The following CERCAM variants were observed in gnomAD, a reference collection of about 807,000 sequenced individuals.
The protein encoded by CERCAM is inactive glycosyltransferase 25 family member 3.
A neutral mutation model predicts 66.0 loss-of-function variants in CERCAM; 59 were observed. That is an observed-to-expected ratio of 0.89 (90% CI 0.73 to 1.11). CERCAM has a LOEUF of 1.11. Among genes scored for constraint, CERCAM ranks in the 50% most tolerant of loss-of-function variants. CERCAM has a pLI of 0.00. For synonymous variants in CERCAM, 318 were observed against 343.6 expected (o/e 0.93, Z 0.83); for missense variants, 840 against 828.3 (o/e 1.01, Z -0.17).
At chr9:128,425,524 T>C (rs1335399548) in intron 5 of CERCAM, among the ~76,000 whole-genome samples, 1 of 151,642 alleles carries the variant, frequency 6.6e-6, no homozygotes, top group African/African-American at 2.4e-5. Context: ...CCTTTTTTTT[T>C]TTTTGAGATG....
At chr9:128,425,814 C>T (rs1833832201) in intron 5 of CERCAM, among the ~76,000 whole-genome samples, 1 of 140,592 alleles carries the variant, frequency 7.1e-6, no homozygotes, top group Admixed American at 7.1e-5. Flanking sequence ...CCCAGCCCAG[C>T]CTTTTTTTTT....
At chr9:128,432,380 C>CTTTTT (rs1269523487) in intron 9 of CERCAM, among the ~76,000 whole-genome samples, 1 of 118,278 alleles carries the variant, frequency 8.5e-6, no homozygotes, top group Non-Finnish European at 1.8e-5. Context: ...TGGTTCACTA[C>CTTTTT]TTTTTTTTTT....
chr9:128,424,577 C>T lies in CERCAM; in HGVS notation c.729C>T (p.Asp243=), dbSNP rs34878035. ...PPHPNYTWPF[D]DIIVFAYACQ... ...ATCCCAACTACACTTGGCCTTTCGA[C>T]GACATCATCGTCTTCGCCTATGCCT... Residue 243 remains aspartate, a synonymous_variant, in exon 5 of 13, where the codon GAC becomes GAT. Transcript: ENST00000372838. The T allele has an allele frequency of 9.7e-3, 15,724 of 1,614,076 alleles. 1,227 individuals are homozygous for T. In the African/African-American group the frequency reaches 0.18, roughly 18 times the overall value.
chr9:128,431,246 C>T lies in CERCAM; in HGVS notation c.1146C>T (p.Arg382=), dbSNP rs769370238. 11 of 1,614,088 alleles carry T rather than the reference C, an allele frequency of 6.8e-6. No individual in the cohort carries two copies. In the South Asian group the frequency reaches 1.2e-4, roughly 18 times the overall value. The change falls in exon 9 of 13, where the codon CGC becomes CGT. Residue 382 remains arginine, a synonymous_variant. Coordinates refer to ENST00000372838, the MANE Select transcript of CERCAM (RefSeq NM_016174.5). ...LPGYQDPYSG[R]TLTKGEVGCF... The stretch of plus-strand genomic sequence containing the variant: ...GCTACCAGGACCCTTACTCGGGCCG[C>T]ACTCTGACCAAGGGCGAGGTGGGCT...
Position 128,424,583 on chromosome 9 carries a change from C to A in CERCAM, c.735C>A (p.Ile245=), listed in dbSNP as rs1833795257. The A allele has an allele frequency of 6.2e-7, 1 of 1,614,066 alleles. No homozygotes were observed. Among genetic ancestry groups the A allele is most frequent in the Admixed American group, 1.7e-5 (1 of 59,990 alleles). Residue 245 remains isoleucine, a synonymous_variant, in exon 5 of 13, where the codon ATC becomes ATA. Transcript: ENST00000372838. Reference sequence around the variant, plus strand: ...ACTACACTTGGCCTTTCGACGACATCATCGTCTTCGCCTATGCCTGCCAGG... The same window carrying A: ...ACTACACTTGGCCTTTCGACGACATAATCGTCTTCGCCTATGCCTGCCAGG... The part of the protein sequence containing the change: ...HPNYTWPFDD[I]IVFAYACQAA...
At chr9:128,426,977 C>A (rs908841998) in intron 5 of CERCAM, among the ~76,000 whole-genome samples, 5 of 152,196 alleles carry the variant, frequency 3.3e-5, no homozygotes, top group African/African-American at 1.2e-4. Flanking sequence ...AATTTGCTAG[C>A]CCTACTTCAA....
At chr9:128,426,568 C>T (rs1833852194) in intron 5 of CERCAM, among the ~76,000 whole-genome samples, 3 of 151,434 alleles carry the variant, frequency 2.0e-5, no homozygotes, top group Admixed American at 1.3e-4. Flanking sequence ...TGCAGTGAGC[C>T]GAGATCGCGC....
At chr9:128,431,493 C>G in intron 9 of CERCAM, 190 bp downstream of exon 9, 1 of 649,052 alleles carries the variant, frequency 1.5e-6, no homozygotes. Flanking sequence ...TCTGCAGTCT[C>G]TCTTGAGCAT....
At chr9:128,425,346 C>T (rs149030274) in intron 5 of CERCAM, among the ~76,000 whole-genome samples, 4,215 of 151,248 alleles carry the variant, frequency 0.028, 202 homozygotes, top group African/African-American at 0.095. Flanking sequence ...TGAGCCACCG[C>T]GCCCAGCCAA....
chr9:128,423,973 G>C, intron 3 of CERCAM, 165 bp from the exon 4 acceptor site: 2 of 742,700 alleles, frequency 2.7e-6, no homozygotes, highest in Non-Finnish European at 2.2e-6. Context: ...CCCCAGACTA[G>C]AGCCTTGGTC....
At chr9:128,435,569 G>T in intron 11 of CERCAM, 84 bp from the exon 12 acceptor site, 1 of 1,476,382 alleles carries the variant, frequency 6.8e-7, no homozygotes, top group South Asian at 1.3e-5. Flanking sequence ...CTTTGGGCAG[G>T]CAAGGTGCCT....
Position 128,423,351 on chromosome 9 carries a change from T to C in CERCAM, c.426+88T>C, listed in dbSNP as rs900749833. Reference sequence around the variant, plus strand: ...CTGGGTATAGGCTGGGTGCAGTGGCTCACGCCTATAATCCTAGCACTTTGG... The same window carrying C: ...CTGGGTATAGGCTGGGTGCAGTGGCCCACGCCTATAATCCTAGCACTTTGG... On this transcript the variant is annotated intron_variant, in intron 3 of 12. Transcript: ENST00000372838. The C allele has an allele frequency of 3.4e-5, 37 of 1,092,004 alleles. No individual in the cohort carries two copies. In the Admixed American group the frequency reaches 6.2e-4, roughly 18 times the overall value. The allele number at this position is 1,092,004 out of a possible 1,614,324, so 67.6% of individuals were successfully genotyped here.
At chr9:128,422,775 G>T in intron 1 of CERCAM, 93 bp from the exon 2 acceptor site, 1 of 1,406,782 alleles carries the variant, frequency 7.1e-7, no homozygotes, top group South Asian at 1.3e-5. Context: ...AGGAGAGCTC[G>T]ACCTCAAAGG....
intron 8 of CERCAM, among the ~76,000 whole-genome samples, chr9:128,429,597 G>A (rs1057119139): frequency 6.6e-6 from 1 of 151,494 alleles, no homozygotes; most frequent in Non-Finnish European, 1.5e-5. Context: ...CAAGTACTCA[G>A]CTCTTTTTAT....
intron 1 of CERCAM, chr9:128,421,542 G>GC: frequency 2.0e-6 from 2 of 986,630 alleles, no homozygotes; most frequent in Non-Finnish European, 2.4e-6. Flanking sequence ...TGGGCTCCGG[G>GC]CTGTGCAGGG....
In CERCAM at chr9:128,434,066, C is replaced by T; in HGVS notation, c.1204-36C>T. The T allele has an allele frequency of 6.2e-7, 1 of 1,610,920 alleles. No individual in the cohort carries two copies. Among genetic ancestry groups the T allele is most frequent in the Non-Finnish European group, 8.5e-7 (1 of 1,178,342 alleles). On this transcript the variant is annotated intron_variant, in intron 9 of 12. Coordinates refer to ENST00000372838, the MANE Select transcript of CERCAM (RefSeq NM_016174.5). The surrounding 1 kb of genome is among the most constrained non-coding windows in gnomAD (Gnocchi z 4.5). The stretch of plus-strand genomic sequence containing the variant: ...GTGGAGGGAGGGGGGTTGTTTAACT[C>T]CGAAGAGCCATCTCCCACCCCATTG...
intron 9 of CERCAM, among the ~76,000 whole-genome samples, chr9:128,433,374 C>A (rs1834026691): frequency 6.6e-6 from 1 of 152,066 alleles, no homozygotes; most frequent in South Asian, 2.1e-4. Flanking sequence ...TCACTTGAAC[C>A]CGGGAGGCAG....
At chr9:128,429,892 T>C (rs1833935702) in intron 8 of CERCAM, among the ~76,000 whole-genome samples, 1 of 151,956 alleles carries the variant, frequency 6.6e-6, no homozygotes, top group Admixed American at 6.6e-5. Flanking sequence ...AGGTTTTAAG[T>C]GATTCTCCTC....
chr9:128,424,659 A>G (rs1833798227), intron 5 of CERCAM, 45 bp downstream of exon 5: 2 of 1,557,502 alleles, frequency 1.3e-6, no homozygotes, highest in Admixed American at 3.3e-5. Context: ...GCCTCTGCAC[A>G]TTTGCACATG....
Sources: allele counts gnomAD v4.1 joint callset (sites outside exome capture counted in the v4.1 genomes callset), GRCh38; gene constraint gnomAD v4.1.1; non-coding constraint Gnocchi (gnomAD v3.1); transcripts MANE v1.5; gene names NCBI Gene and HGNC (gene_info 2026-07-23, HGNC 2026-07-21).